Variants in COL14A1 observed in about 807,000 individuals in gnomAD.
COL14A1 encodes collagen alpha-1(XIV) chain.
In COL14A1, 136 loss-of-function variants were observed where a neutral mutation model predicts 230.3. That is an observed-to-expected ratio of 0.59 (90% CI 0.51 to 0.68). COL14A1 has a LOEUF of 0.68. Ranked by LOEUF, COL14A1 falls within the 30% of genes least tolerant of loss-of-function variation. The pLI, the probability that COL14A1 is intolerant of heterozygous loss-of-function variation, is 0.00. For missense variants in COL14A1, 1,976 were observed against 2,215.8 expected (o/e 0.89, Z 2.17); for synonymous variants, 792 against 784.1 (o/e 1.01, Z -0.17).
At chr8:120,128,245 G>A (rs994225067) in intron 1 of COL14A1, among the ~76,000 whole-genome samples, 9 of 150,834 alleles carry the variant, frequency 6.0e-5, no homozygotes, top group African/African-American at 1.7e-4. Context: ...GTGTGTGTGT[G>A]TGTGTGTGTG....
At chr8:120,286,377 G>A (rs1820202885) in intron 33 of COL14A1, among the ~76,000 whole-genome samples, 1 of 152,076 alleles carries the variant, frequency 6.6e-6, no homozygotes, top group African/African-American at 2.4e-5. Context: ...TGTGCAGATA[G>A]GGATAACTGA....
chr8:120,265,525 A>G (rs1351955822), intron 24 of COL14A1, among the ~76,000 whole-genome samples: 3 of 149,776 alleles, frequency 2.0e-5, no homozygotes, highest in Non-Finnish European at 3.0e-5. Flanking sequence ...TGCATTGTCA[A>G]CCTCCCTCTT....
intron 20 of COL14A1, 149 bp downstream of exon 20, chr8:120,244,157 A>T: frequency 1.1e-6 from 1 of 918,108 alleles, no homozygotes. Flanking sequence ...CTGTCTTTAC[A>T]CACACAAGCT....
At chr8:120,219,567 T>A (rs1817866453) in intron 14 of COL14A1, among the ~76,000 whole-genome samples, 3 of 152,166 alleles carry the variant, frequency 2.0e-5, no homozygotes, top group Non-Finnish European at 4.4e-5. Flanking sequence ...CCCATGGGCC[T>A]CTCTAATGTG....
At chr8:120,132,672 A>T (rs1003724476) in intron 1 of COL14A1, among the ~76,000 whole-genome samples, 1 of 151,426 alleles carries the variant, frequency 6.6e-6, no homozygotes, top group Non-Finnish European at 1.5e-5. Context: ...TTTGAAACAG[A>T]GTCTTGTTCT....
intron 45 of COL14A1, among the ~76,000 whole-genome samples, chr8:120,356,846 A>T (rs1334941177): frequency 1.3e-5 from 2 of 151,998 alleles, no homozygotes; most frequent in African/African-American, 4.8e-5. Flanking sequence ...TTTTCCACCC[A>T]GGACTCATCT....
rs913052424 is a variant in COL14A1, at chr8:120,355,009, C to T, written c.5077+9446C>T. On this transcript the variant is annotated intron_variant, in intron 45 of 47. Transcript: ENST00000297848. ...TAAATGGTTCTGTATAACCTGGCTT[C>T]TCATTATCCTAAAATTCAGAAGAGA... is the stretch of plus-strand genomic sequence containing the variant. 1.2e-4 allele frequency among the ~76,000 whole-genome samples: 18 copies of T among 152,280 alleles called. No individual in the cohort carries two copies. In the East Asian group the frequency reaches 3.5e-3, roughly 29 times the overall value.
intron 5 of COL14A1, among the ~76,000 whole-genome samples, chr8:120,193,749 A>T (rs13275053): frequency 6.6e-6 from 1 of 152,012 alleles, no homozygotes. Flanking sequence ...AAGCCTGGGC[A>T]ATGGTGGGTG....
At chr8:120,148,144 CTTT>C (rs59311466) in intron 2 of COL14A1, among the ~76,000 whole-genome samples, 5 of 122,956 alleles carry the variant, frequency 4.1e-5, no homozygotes, top group Admixed American at 1.7e-4. Context: ...ATAGGTCATT[CTTT>C]TTTTTTTTTT....
chr8:120,216,593 A>G, intron 14 of COL14A1, 103 bp downstream of exon 14: 8 of 1,166,454 alleles, frequency 6.9e-6, no homozygotes, highest in South Asian at 3.4e-5. Flanking sequence ...AAATAATAGT[A>G]ATTATTTATT....
Position 120,262,981 on chromosome 8 carries a change from G to T in COL14A1, c.2983G>T (p.Glu995Ter), listed in dbSNP as rs752866301. The T allele has an allele frequency of 1.9e-5, 31 of 1,613,116 alleles. No individual in the cohort carries two copies. Among genetic ancestry groups the T allele is most frequent in the Non-Finnish European group, 2.5e-5 (29 of 1,179,708 alleles). Residue 995 changes from glutamate (E) to a stop codon, truncating the protein, a stop_gained, in exon 24 of 48, where the codon GAA becomes TAA. Transcript: ENST00000297848. LOFTEE classifies it high-confidence loss of function. ...TGTTTATACAAAGCTCCAGGAGATT[G>T]AAGGACCTAGTGTGAGCATAATGGA... The part of the protein sequence containing the change: ...ISVYTKLQEI[E>*]GPSVSIMEKT...
chr8:120,149,763 C>T (rs551303981), intron 2 of COL14A1, among the ~76,000 whole-genome samples: 160 of 150,714 alleles, frequency 1.1e-3, no homozygotes, highest in African/African-American at 2.9e-3. Context: ...GGCGCAGTCT[C>T]GGCTAACTGC....
chr8:120,224,701 A>C (rs946640763), intron 14 of COL14A1, among the ~76,000 whole-genome samples: 3 of 152,202 alleles, frequency 2.0e-5, no homozygotes, highest in African/African-American at 4.8e-5. Context: ...ATCATTGCTC[A>C]CCTGTACAAC....
intron 4 of COL14A1, among the ~76,000 whole-genome samples, chr8:120,163,130 A>AT (rs1352888547): frequency 2.0e-5 from 3 of 152,218 alleles, no homozygotes; most frequent in Non-Finnish European, 4.4e-5. Flanking sequence ...GCAACAGGGA[A>AT]TTTAATTCTT....
intron 21 of COL14A1, among the ~76,000 whole-genome samples, chr8:120,248,488 A>G (rs1167552371): frequency 2.6e-5 from 4 of 152,120 alleles, no homozygotes; most frequent in Non-Finnish European, 4.4e-5. Flanking sequence ...AGTTTTCTAG[A>G]CCTGGGCCTG....
intron 5 of COL14A1, among the ~76,000 whole-genome samples, chr8:120,169,627 T>G (rs1477438057): frequency 1.1e-4 from 16 of 152,090 alleles, no homozygotes; most frequent in African/African-American, 3.6e-4. Flanking sequence ...TATTTTCTCC[T>G]GGTGTATAAT....
At chr8:120,349,408 G>A (rs1333288754) in intron 45 of COL14A1, among the ~76,000 whole-genome samples, 1 of 149,832 alleles carries the variant, frequency 6.7e-6, no homozygotes, top group Non-Finnish European at 1.5e-5. Context: ...CGAGCTGAGA[G>A]AAGAAGGCTT....
At chr8:120,157,496 A>T (rs958466130) in intron 2 of COL14A1, among the ~76,000 whole-genome samples, 1 of 152,272 alleles carries the variant, frequency 6.6e-6, no homozygotes, top group African/African-American at 2.4e-5. Flanking sequence ...TCCTTGTAAC[A>T]TAATGAAAGC....
intron 8 of COL14A1, among the ~76,000 whole-genome samples, chr8:120,203,021 T>TATATATATATATATATATA (rs61499035): frequency 7.8e-4 from 111 of 141,510 alleles, no homozygotes; most frequent in Non-Finnish European, 1.2e-3. Context: ...TATATATATA[T>TATATATATATATATATATA]TTGTTCTAGC....
Sources: allele counts gnomAD v4.1 joint callset (sites outside exome capture counted in the v4.1 genomes callset), GRCh38; gene constraint gnomAD v4.1.1; transcripts MANE v1.5; gene names NCBI Gene and HGNC (gene_info 2026-07-23, HGNC 2026-07-21).